Variants in MEGF11 observed in about 807,000 individuals in gnomAD.
MEGF11 encodes the protein multiple EGF like domains 11.
A neutral mutation model predicts 146.6 loss-of-function variants in MEGF11; 126 were observed. The ratio of observed to expected loss-of-function variants is 0.86; its 90% CI spans 0.74 to 1.00. MEGF11 has a LOEUF of 1.00. MEGF11 is among the 50% of genes least tolerant of loss of function. MEGF11 has a pLI of 0.00. For missense variants in MEGF11, 1,509 were observed against 1,521.2 expected (o/e 0.99, Z 0.13); for synonymous variants, 532 against 583.4 (o/e 0.91, Z 1.27).
At chr15:65,916,496 A>G in intron 17 of MEGF11, 1 of 670,558 alleles carries the variant, frequency 1.5e-6, no homozygotes, top group Non-Finnish European at 2.5e-6. Context: ...TTGGAACCAC[A>G]GGTCAGGCTA....
chr15:66,008,532 G>A (rs185615942), intron 5 of MEGF11, among the ~76,000 whole-genome samples: 28 of 152,120 alleles, frequency 1.8e-4, no homozygotes, highest in South Asian at 8.3e-4. Flanking sequence ...CTTGCCCACC[G>A]TAAAAGAGTT....
intron 5 of MEGF11, among the ~76,000 whole-genome samples, chr15:66,063,743 G>A (rs1395315851): frequency 6.6e-6 from 1 of 152,182 alleles, no homozygotes; most frequent in Admixed American, 6.5e-5. Context: ...CTACACTTGG[G>A]AGTTCTCCAT....
At chr15:66,046,933 G>T (rs2084229228) in intron 5 of MEGF11, among the ~76,000 whole-genome samples, 1 of 152,194 alleles carries the variant, frequency 6.6e-6, no homozygotes, top group South Asian at 2.1e-4. Context: ...GGACAGGGAG[G>T]TCCCCAGGTT....
rs556014879 is a variant in MEGF11, at chr15:66,107,783, T to C, written c.301+11303A>G. Among the ~76,000 whole-genome samples the C allele has an allele frequency of 3.4e-4, 52 of 152,210 alleles. 1 individual carries two copies. In the South Asian group the frequency reaches 0.01, roughly 30 times the overall value. ...CTTTGGGTATCCCTTGAGTGTACCC[T>C]GGAAAAGCCAGCCCACTCATCCTTG... is the stretch of plus-strand genomic sequence containing the variant. On this transcript the variant is annotated intron_variant, in intron 4 of 25. Transcript: ENST00000395614.
At chr15:65,940,950 G>C (rs2079969050) in intron 10 of MEGF11, among the ~76,000 whole-genome samples, 1 of 152,248 alleles carries the variant, frequency 6.6e-6, no homozygotes, top group Non-Finnish European at 1.5e-5. Context: ...AGTCATTATA[G>C]ATTTGTGTAT....
At position 65,895,646 on chromosome 15, in the gene MEGF11, G is replaced by T. The variant is rs916488848; in HGVS notation, c.*2288C>A. 4 of 152,610 alleles carry T rather than the reference G, an allele frequency of 2.6e-5. No individual in the cohort carries two copies. The highest frequency in any genetic ancestry group is 9.7e-5 in the African/African-American group (4 of 41,440). 9.5% of individuals were successfully genotyped at this position (152,610 alleles called of 1,614,324 possible). On this transcript the variant is annotated 3_prime_UTR_variant, in exon 26 of 26. Coordinates refer to ENST00000395614, the MANE Select transcript of MEGF11 (RefSeq NM_001385028.1). ...TACTGATAACTGTTCGATAGGGGAA[G>T]GCAGCTATTGTCACCATAATCACAC... is the stretch of plus-strand genomic sequence containing the variant.
At chr15:65,977,245 C>G (rs1264282954) in intron 7 of MEGF11, among the ~76,000 whole-genome samples, 1 of 151,740 alleles carries the variant, frequency 6.6e-6, no homozygotes, top group Non-Finnish European at 1.5e-5. Flanking sequence ...AAGGCCATGC[C>G]AGCTCTCCTG....
chr15:66,167,927 T>C (rs1398490844), intron 1 of MEGF11, among the ~76,000 whole-genome samples: 2 of 152,044 alleles, frequency 1.3e-5, no homozygotes, highest in African/African-American at 4.8e-5. Flanking sequence ...ATGTAGCCTT[T>C]CCCCCCTGAA....
chr15:66,170,932 C>G (rs2090234705), intron 1 of MEGF11, among the ~76,000 whole-genome samples: 1 of 152,216 alleles, frequency 6.6e-6, no homozygotes, highest in South Asian at 2.1e-4. Flanking sequence ...GCTCAGGCTC[C>G]AAAGCCCTGC....
At chr15:66,106,928 C>A in intron 4 of MEGF11, among the ~76,000 whole-genome samples, 1 of 152,158 alleles carries the variant, frequency 6.6e-6, no homozygotes, top group Non-Finnish European at 1.5e-5. Context: ...CCTTCCAAGA[C>A]CCCCACCTTC....
At chr15:66,238,215 C>T (rs12910607) in intron 1 of MEGF11, among the ~76,000 whole-genome samples, 37,862 of 152,112 alleles carry the variant, frequency 0.25, 5,516 homozygotes, top group Non-Finnish European at 0.34. Context: ...TGGGAAACCC[C>T]CTCCCCAACC....
intron 10 of MEGF11, among the ~76,000 whole-genome samples, chr15:65,935,349 A>G (rs1353122933): frequency 4.7e-5 from 7 of 148,208 alleles, no homozygotes; most frequent in South Asian, 2.1e-4. Flanking sequence ...AAAAAAAAAA[A>G]AAAAAAAAAA....
intron 5 of MEGF11, among the ~76,000 whole-genome samples, chr15:66,087,667 G>T (rs1249731947): frequency 1.3e-5 from 2 of 152,250 alleles, no homozygotes; most frequent in Middle Eastern, 3.4e-3. Flanking sequence ...ATACAGCAAA[G>T]GCAGTGCTAA....
At chr15:66,236,839 A>T (rs1035608550) in intron 1 of MEGF11, among the ~76,000 whole-genome samples, 1 of 152,154 alleles carries the variant, frequency 6.6e-6, no homozygotes, top group African/African-American at 2.4e-5. Flanking sequence ...ATCAGAACAA[A>T]GGGGCAGAGG....
At chr15:65,939,430 C>A (rs2079901610) in intron 10 of MEGF11, among the ~76,000 whole-genome samples, 4 of 152,050 alleles carry the variant, frequency 2.6e-5, no homozygotes, top group African/African-American at 9.7e-5. Context: ...TGTGATAGGC[C>A]CTGGGTCTTG....
intron 5 of MEGF11, among the ~76,000 whole-genome samples, chr15:65,989,657 C>T (rs897719380): frequency 2.0e-5 from 3 of 152,246 alleles, no homozygotes; most frequent in Non-Finnish European, 4.4e-5. Context: ...GGCTGAGCCC[C>T]TTGCTCTTTC....
intron 5 of MEGF11, among the ~76,000 whole-genome samples, chr15:66,067,933 G>A (rs901480717): frequency 1.3e-5 from 2 of 152,232 alleles, no homozygotes; most frequent in Non-Finnish European, 2.9e-5. Flanking sequence ...GCAGTTAGGA[G>A]CATGGGTTCT....
chr15:66,249,712 T>G (rs2092344835), intron 1 of MEGF11, among the ~76,000 whole-genome samples: 1 of 152,206 alleles, frequency 6.6e-6, no homozygotes, highest in Admixed American at 6.5e-5. Context: ...ATTCTCAAAG[T>G]GTCCAAGTGT....
rs1393936477 is a variant in MEGF11, at chr15:66,220,564, G to T, written c.-9+33041C>A. Among the ~76,000 whole-genome samples, 3 of 144,876 alleles carry T rather than the reference G, an allele frequency of 2.1e-5. No individual in the cohort carries two copies. The South Asian group carries it at 6.7e-4, about 32-fold the overall frequency. ...TTTTTTTGCTTTGTTTTGAGACAGG[G>T]TCTCACTCTGTCACACAGGCTGGAG... On this transcript the variant is annotated intron_variant, in intron 1 of 25. Transcript: ENST00000395614.
Sources: gnomAD v4.1 joint callset for allele counts (sites outside exome capture counted in the v4.1 genomes callset) on GRCh38, gnomAD v4.1.1 for gene constraint, MANE v1.5 for transcripts, NCBI Gene and HGNC (gene_info 2026-07-23, HGNC 2026-07-21) for gene names.